The following LARP4B variants were observed in gnomAD, a reference collection of about 807,000 sequenced individuals.
LARP4B encodes la-related protein 4B.
Under a neutral mutation model 89.8 loss-of-function variants are expected in LARP4B, and 12 were observed. The ratio of observed to expected loss-of-function variants is 0.13; its 90% confidence interval spans 0.09 to 0.22. The LOEUF (loss-of-function observed/expected upper bound fraction) is 0.22. Ranked by LOEUF, LARP4B falls within the 10% of genes least tolerant of loss-of-function variation. The probability of loss-of-function intolerance (pLI) is 1.00; values close to 1 mark genes in which losing one functional copy is unlikely to be tolerated. For missense variants in LARP4B, 757 were observed against 947.7 expected (o/e 0.80, Z 2.64); for synonymous variants, 367 against 363.3 (o/e 1.01, Z -0.12).
At chr10:860,393 C>T (rs1221068405) in intron 5 of LARP4B, among the ~76,000 whole-genome samples, 1 of 152,128 alleles carries the variant, frequency 6.6e-6, no homozygotes, top group Non-Finnish European at 1.5e-5. Context: ...AATGGTACCA[C>T]CACTTTGGAA....
At chr10:984,449 G>T in the LARP4B span, among the ~76,000 whole-genome samples, 3 of 152,290 alleles carry the variant, frequency 2.0e-5, no homozygotes, top group South Asian at 6.2e-4. Flanking sequence ...AGAATGCAAA[G>T]AATGTTTTTA....
chr10:838,378 G>C (rs1050089233), intron 7 of LARP4B, among the ~76,000 whole-genome samples: 2 of 152,072 alleles, frequency 1.3e-5, no homozygotes, highest in Non-Finnish European at 2.9e-5. Flanking sequence ...TCTGATAAAG[G>C]ACTGTTAACA....
chr10:942,431 T>C, the LARP4B span: 2 of 152,220 alleles, frequency 1.3e-5, no homozygotes, highest in Non-Finnish European at 1.5e-5. Flanking sequence ...TTCCCTAAAA[T>C]AATTTATTTT....
intron 1 of LARP4B, among the ~76,000 whole-genome samples, chr10:913,524 T>C (rs1013520496): frequency 2.6e-5 from 4 of 152,258 alleles, no homozygotes; most frequent in Non-Finnish European, 5.9e-5. Flanking sequence ...TGTCTTCTCA[T>C]CAGCAAATAC....
In LARP4B at chr10:825,839, T is replaced by TTTATAAATC; in HGVS notation, c.1148_1156dup (p.Ile385_Asn386insArgPheIle). On this transcript the variant is annotated inframe_insertion, in exon 12 of 18. Coordinates refer to ENST00000316157, the MANE Select transcript of LARP4B (RefSeq NM_015155.3). ...CTTGAACGCTGGAGACGTAAACCCA[T>TTTATAAATC]TTATAAATCCAGTATTTGGAAATGG... The TTTATAAATC allele has an allele frequency of 6.2e-7, 1 of 1,612,970 alleles. No homozygotes were observed. The highest frequency in any genetic ancestry group is 8.5e-7 in the Non-Finnish European group (1 of 1,179,310).
chr10:833,249 T>TAAAAAAAAAAAAAA (rs56788542), intron 8 of LARP4B, among the ~76,000 whole-genome samples: 2 of 52,038 alleles, frequency 3.8e-5, no homozygotes, highest in Non-Finnish European at 6.6e-5. Flanking sequence ...TGATGAGCTT[T>TAAAAAAAAAAAAAA]AAAAAAAAAA....
upstream of LARP4B, among the ~76,000 whole-genome samples, chr10:932,515 C>A (rs1260333887): frequency 8.8e-6 from 1 of 113,352 alleles, no homozygotes; most frequent in Non-Finnish European, 1.9e-5. Flanking sequence ...AGGCCCCGGC[C>A]CTGCCCCGAA....
At chr10:975,679 G>T in the LARP4B span, among the ~76,000 whole-genome samples, 1 of 152,188 alleles carries the variant, frequency 6.6e-6, no homozygotes, top group African/African-American at 2.4e-5. Flanking sequence ...ATTGTGGCCC[G>T]GCCTAGTACA....
At chr10:864,019 T>C in intron 4 of LARP4B, 104 bp downstream of exon 4, 1 of 1,563,370 alleles carries the variant, frequency 6.4e-7, no homozygotes, top group South Asian at 1.2e-5. Flanking sequence ...CCACATACCA[T>C]GACACAGTTA....
chr10:821,560 T>C (rs961572930), intron 13 of LARP4B, among the ~76,000 whole-genome samples: 2 of 152,238 alleles, frequency 1.3e-5, no homozygotes, highest in Admixed American at 6.5e-5. Context: ...GGACAGGTTA[T>C]GTGGTCTAAC....
At position 814,502 on chromosome 10, in the gene LARP4B, T is replaced by C. The variant is rs1831916375; in HGVS notation, c.1929+240A>G. 2.6e-6 allele frequency: 2 copies of C among 759,558 alleles called. No homozygotes were observed. Among genetic ancestry groups the C allele is most frequent in the Non-Finnish European group, 2.1e-6 (1 of 477,246 alleles). The allele number at this position is 759,558 out of a possible 1,614,324, so 47.1% of individuals were successfully genotyped here. ...CTTGTTACTACTCAAGAAACCTCTA[T>C]TGACCAACACTGAAATAAAAGGACT... On this transcript the variant is annotated intron_variant, in intron 17 of 17. Transcript: ENST00000316157. The surrounding 1 kb of genome is among the most constrained non-coding windows in gnomAD (Gnocchi z 4.4).
intron 11 of LARP4B, 130 bp downstream of exon 11, chr10:829,255 T>A (rs928958948): frequency 1.0e-5 from 8 of 765,374 alleles, no homozygotes; most frequent in Non-Finnish European, 1.6e-5. Flanking sequence ...ATCCCCCACA[T>A]AACTTGAAGG....
the LARP4B span, chr10:987,015 G>A: frequency 6.6e-6 from 1 of 152,142 alleles, no homozygotes; most frequent in Admixed American, 6.5e-5. Context: ...TCTAAATACC[G>A]GATTACAAGA....
chr10:820,366 G>A lies in LARP4B; in HGVS notation c.1530+434C>T, dbSNP rs555689678. On this transcript the variant is annotated intron_variant, in intron 14 of 17. Coordinates refer to ENST00000316157, the MANE Select transcript of LARP4B (RefSeq NM_015155.3). ...ATAATGCTTTCTACACAGTGGGAGA[G>A]TATTCGAAAGTTTTGAAGGAAAAAC... The A allele has an allele frequency of 9.1e-4, 150 of 165,038 alleles. 2 individuals are homozygous for A. In the South Asian group the frequency reaches 0.012, roughly 13 times the overall value. The allele number at this position is 165,038 out of a possible 1,614,324, so 10.2% of individuals were successfully genotyped here.
At chr10:921,247 T>G (rs1836968909) in intron 1 of LARP4B, among the ~76,000 whole-genome samples, 1 of 151,132 alleles carries the variant, frequency 6.6e-6, no homozygotes, top group African/African-American at 2.4e-5. Flanking sequence ...CACTCCAGCC[T>G]GGGCAACAAG....
intron 5 of LARP4B, among the ~76,000 whole-genome samples, chr10:854,913 T>C (rs556640857): frequency 2.0e-5 from 3 of 152,246 alleles, no homozygotes; most frequent in Non-Finnish European, 4.4e-5. Flanking sequence ...TGTCATTTAC[T>C]GTAGCCATCT....
chr10:815,450 C>T (rs12243303), intron 15 of LARP4B: 62,232 of 156,260 alleles, frequency 0.4, 13,002 homozygotes, highest in South Asian at 0.48. Context: ...CTAACACAGT[C>T]CAACACAACT....
At chr10:968,430 C>T in the LARP4B span, among the ~76,000 whole-genome samples, 1 of 152,188 alleles carries the variant, frequency 6.6e-6, no homozygotes, top group African/African-American at 2.4e-5. Flanking sequence ...TTACTGAATA[C>T]ACTTGACTTT....
chr10:945,268 C>T, the LARP4B span, among the ~76,000 whole-genome samples: 20,012 of 151,628 alleles, frequency 0.13, 1,749 homozygotes, highest in Non-Finnish European at 0.2. Flanking sequence ...CCTGTAATCC[C>T]AGCTATTCAG....
Sources: allele counts gnomAD v4.1 joint callset (sites outside exome capture counted in the v4.1 genomes callset), GRCh38; gene constraint gnomAD v4.1.1; non-coding constraint Gnocchi (gnomAD v3.1); transcripts MANE v1.5; gene names NCBI Gene and HGNC (gene_info 2026-07-23, HGNC 2026-07-21).